The following EYS variants were observed in gnomAD, a reference collection of about 807,000 sequenced individuals.
The protein encoded by EYS is EGF-like photoreceptor maintenance factor.
EYS carries 250 observed loss-of-function variants against 282.1 expected under a neutral mutation model. The ratio of observed to expected loss-of-function variants is 0.89; its 90% CI spans 0.80 to 0.98. EYS has a LOEUF of 0.98. Ranked by LOEUF, EYS falls within the 50% of genes least tolerant of loss-of-function variation. The pLI, the probability that EYS is intolerant of heterozygous loss-of-function variation, is 0.00. For missense variants in EYS, 4,016 were observed against 3,709.0 expected, an observed-to-expected ratio of 1.08 and a Z score of -2.15; for synonymous variants, 1,355 against 1,282.9, an observed-to-expected ratio of 1.06 and a Z score of -1.20.
chr6:65,034,753 G>A (rs1030565898), intron 13 of EYS, among the ~76,000 whole-genome samples: 3 of 151,952 alleles, frequency 2.0e-5, no homozygotes, highest in African/African-American at 7.3e-5. Flanking sequence ...CCCAGTCTCA[G>A]ATATTTATTT....
At chr6:64,165,732 C>G (rs1764268523) in intron 31 of EYS, among the ~76,000 whole-genome samples, 1 of 152,120 alleles carries the variant, frequency 6.6e-6, no homozygotes. Context: ...AATATGGCTC[C>G]ATCAGACCAA....
rs201367424 is a variant in EYS at position 64,253,755 on chromosome 6, G to GA, written c.6192-22932_6192-22931insT. 8.6e-3 allele frequency among the ~76,000 whole-genome samples: 1,313 copies of GA among 151,960 alleles called. 28 individuals carry two copies. Among genetic ancestry groups the GA allele is most frequent in the African/African-American group, 0.029 (1,203 of 41,414 alleles). ...TCACTGAGGTGACTTAGTGCAGGGG[G>GA]GTTTATTCTCAAGGGGACAGGCTTT... On this transcript the variant is annotated intron_variant, in intron 30 of 42. Transcript: ENST00000503581.
intron 22 of EYS, among the ~76,000 whole-genome samples, chr6:64,627,734 A>G (rs1381533538): frequency 6.6e-6 from 1 of 152,148 alleles, no homozygotes; most frequent in African/African-American, 2.4e-5. Flanking sequence ...TAGTAACTCC[A>G]CTGTGCTAGA....
chr6:64,789,484 TACTGG>T (rs1326177333), intron 22 of EYS, among the ~76,000 whole-genome samples: 1 of 152,190 alleles, frequency 6.6e-6, no homozygotes, highest in African/African-American at 2.4e-5. Flanking sequence ...AATTTTTTTA[TACTGG>T]ACTACCAACC....
chr6:63,782,043 G>A (rs1256838563), intron 39 of EYS, among the ~76,000 whole-genome samples: 1 of 152,130 alleles, frequency 6.6e-6, no homozygotes, highest in African/African-American at 2.4e-5. Flanking sequence ...TTTATATGAT[G>A]GATTACATTT....
intron 13 of EYS, among the ~76,000 whole-genome samples, chr6:65,022,295 C>A (rs1420740685): frequency 1.3e-5 from 2 of 152,086 alleles, no homozygotes; most frequent in Non-Finnish European, 2.9e-5. Flanking sequence ...CTCTGGCTTA[C>A]CAAAAGAGGC....
intron 31 of EYS, among the ~76,000 whole-genome samples, chr6:64,139,294 G>T (rs1220759879): frequency 6.6e-6 from 1 of 152,074 alleles, no homozygotes; most frequent in Non-Finnish European, 1.5e-5. Flanking sequence ...ACTGGGAAGT[G>T]GTCATAGGGA....
intron 12 of EYS, among the ~76,000 whole-genome samples, chr6:65,152,858 T>C (rs1368543425): frequency 1.3e-5 from 2 of 151,582 alleles, no homozygotes; most frequent in Non-Finnish European, 2.9e-5. Flanking sequence ...TTCATGGCTT[T>C]AGATTTTATG....
At chr6:65,306,856 A>AAAAAAAAAAAG (rs1164132080) in intron 11 of EYS, among the ~76,000 whole-genome samples, 1 of 147,276 alleles carries the variant, frequency 6.8e-6, no homozygotes, top group African/African-American at 2.6e-5. Flanking sequence ...AAAAAAAAAA[A>AAAAAAAAAAAG]AAAAAAGAAA....
chr6:65,299,117 G>A (rs1454559840), intron 11 of EYS, among the ~76,000 whole-genome samples: 5 of 151,892 alleles, frequency 3.3e-5, no homozygotes, highest in African/African-American at 9.7e-5. Flanking sequence ...TCAGAATGCC[G>A]GGCTTCCCAA....
At chr6:64,234,631 C>T (rs1240122288) in intron 30 of EYS, among the ~76,000 whole-genome samples, 1 of 152,134 alleles carries the variant, frequency 6.6e-6, no homozygotes, top group Non-Finnish European at 1.5e-5. Context: ...GTACAGCCAT[C>T]ACCACAATCT....
chr6:64,116,779 TATATC>T lies in EYS; in HGVS notation c.6425-34782_6425-34778del, dbSNP rs572863111. Among the ~76,000 whole-genome samples the T allele has an allele frequency of 3.6e-3, 552 of 152,166 alleles. 7 individuals carry two copies. The highest frequency in any genetic ancestry group is 0.012 in the African/African-American group (515 of 41,564). ...AAGTAAGAGCAGAGGTGTTTATACT[TATATC>T]AGACAAAATAGTTTTTAAGTCAAAA... is the stretch of plus-strand genomic sequence containing the variant. On this transcript the variant is annotated intron_variant, in intron 31 of 42. Transcript: ENST00000503581.
chr6:65,343,554 T>C, intron 10 of EYS, among the ~76,000 whole-genome samples: 1 of 151,254 alleles, frequency 6.6e-6, no homozygotes. Flanking sequence ...ATTCTTGCCA[T>C]AGGCCTCACA....
At chr6:64,368,761 TG>T (rs1172609449) in intron 29 of EYS, among the ~76,000 whole-genome samples, 1 of 152,164 alleles carries the variant, frequency 6.6e-6, no homozygotes, top group Non-Finnish European at 1.5e-5. Flanking sequence ...GGGTTGTTTT[TG>T]CTTGTAAATT....
chr6:63,935,192 T>TA (rs1303610911), intron 35 of EYS, among the ~76,000 whole-genome samples: 1 of 152,244 alleles, frequency 6.6e-6, no homozygotes, highest in Non-Finnish European at 1.5e-5. Context: ...AGAAGCTGCC[T>TA]AAAGCAGGAG....
chr6:64,312,561 C>T (rs1441666179), intron 29 of EYS, among the ~76,000 whole-genome samples: 1 of 152,168 alleles, frequency 6.6e-6, no homozygotes, highest in Non-Finnish European at 1.5e-5. Context: ...CAAGTGGGTC[C>T]CTGACACCTG....
intron 1 of EYS, among the ~76,000 whole-genome samples, chr6:65,647,138 A>C (rs1470732612): frequency 9.9e-5 from 15 of 152,264 alleles, no homozygotes; most frequent in Non-Finnish European, 7.4e-5. Context: ...TACCACCATC[A>C]TTCTTCACAG....
intron 31 of EYS, among the ~76,000 whole-genome samples, chr6:64,193,301 G>A (rs1036625186): frequency 6.6e-6 from 1 of 151,726 alleles, no homozygotes; most frequent in Non-Finnish European, 1.5e-5. Flanking sequence ...CATAGAATGA[G>A]TTACTATTGT....
chr6:65,003,755 G>A (rs1771544230), intron 13 of EYS, among the ~76,000 whole-genome samples: 1 of 147,134 alleles, frequency 6.8e-6, no homozygotes, highest in Admixed American at 6.8e-5. Flanking sequence ...TGAATATCAG[G>A]GCAGGTTACC....
Sources: gnomAD v4.1 joint callset for allele counts (sites outside exome capture counted in the v4.1 genomes callset) on GRCh38, gnomAD v4.1.1 for gene constraint, MANE v1.5 for transcripts, NCBI Gene and HGNC (gene_info 2026-07-23, HGNC 2026-07-21) for gene names.